The following MAPK4 variants were observed in gnomAD, a reference collection of about 807,000 sequenced individuals.
MAPK4 encodes Erk3-related.
Under a neutral mutation model 47.7 loss-of-function variants are expected in MAPK4, and 22 were observed. That is an observed-to-expected ratio of 0.46 (90% CI 0.33 to 0.66). The LOEUF is 0.66. Ranked by LOEUF, MAPK4 falls within the 30% of genes least tolerant of loss-of-function variation. The pLI is 0.02. For missense variants in MAPK4, 736 were observed against 831.7 expected, an observed-to-expected ratio of 0.88 and a Z score of 1.42; for synonymous variants, 390 against 365.7, an observed-to-expected ratio of 1.07 and a Z score of -0.76.
At chr18:50,700,713 C>G (rs1160203138) in intron 2 of MAPK4, among the ~76,000 whole-genome samples, 1 of 152,204 alleles carries the variant, frequency 6.6e-6, no homozygotes, top group Non-Finnish European at 1.5e-5. Context: ...TTTGCTTCCT[C>G]AGCTCTTCAA....
intron 2 of MAPK4, among the ~76,000 whole-genome samples, chr18:50,712,479 G>C (rs1910423912): frequency 6.6e-6 from 1 of 151,408 alleles, no homozygotes; most frequent in South Asian, 2.1e-4. Flanking sequence ...TTTAAAGAGT[G>C]TGAAGAACAA....
chr18:50,703,148 A>C (rs1465267266), intron 2 of MAPK4, among the ~76,000 whole-genome samples: 1 of 151,970 alleles, frequency 6.6e-6, no homozygotes, highest in Non-Finnish European at 1.5e-5. Context: ...TCTCAAATTG[A>C]TCTCAAGACC....
intron 1 of MAPK4, among the ~76,000 whole-genome samples, chr18:50,596,971 A>G (rs1387678340): frequency 6.6e-6 from 1 of 152,218 alleles, no homozygotes; most frequent in East Asian, 1.9e-4. Context: ...TGTAGGTAGA[A>G]TTTGCACAGA....
chr18:50,680,652 C>G (rs551578169), intron 2 of MAPK4, among the ~76,000 whole-genome samples: 2 of 152,116 alleles, frequency 1.3e-5, no homozygotes, highest in Admixed American at 1.3e-4. Flanking sequence ...TTGCCTAGTC[C>G]GAATATTTCA....
At chr18:50,573,743 TTG>T (rs2042270439) in intron 1 of MAPK4, among the ~76,000 whole-genome samples, 1 of 152,232 alleles carries the variant, frequency 6.6e-6, no homozygotes, top group Admixed American at 6.5e-5. Context: ...ATTCTGGTTT[TTG>T]TTAATCATCA....
rs747322536 is a variant in MAPK4 at position 50,729,292 on chromosome 18, C to CCTT, written c.1202_1203insCTT (p.Ser401_His402insLeu). 18 of 1,608,568 alleles carry CCTT rather than the reference C, an allele frequency of 1.1e-5. No individual in the cohort carries two copies. The South Asian group carries it at 1.9e-4, about 17-fold the overall frequency. Reference sequence around the variant, plus strand: ...GTGCAGGTGGACCCGCGCAAGGACTCGCACAGCAGCTCCGAGCGCTTCCTA... The same window carrying CCTT: ...GTGCAGGTGGACCCGCGCAAGGACTCCTTGCACAGCAGCTCCGAGCGCTTCCTA... On this transcript the variant is annotated inframe_insertion, in exon 6 of 6. Transcript: ENST00000400384.
chr18:50,701,398 G>A (rs181824374), intron 2 of MAPK4, among the ~76,000 whole-genome samples: 105 of 152,264 alleles, frequency 6.9e-4, no homozygotes, highest in Admixed American at 1.9e-3. Flanking sequence ...TTAGCAAATG[G>A]GCTATTGCCA....
At chr18:50,670,223 C>T (rs1216959771) in intron 2 of MAPK4, 1 of 151,272 alleles carries the variant, frequency 6.6e-6, no homozygotes, top group Non-Finnish European at 1.5e-5. Flanking sequence ...TTGTCTTTCA[C>T]ATATCCGCCT....
intron 2 of MAPK4, chr18:50,705,569 C>A (rs977085553): frequency 6.6e-6 from 1 of 152,210 alleles, no homozygotes; most frequent in African/African-American, 2.4e-5. Context: ...TATTCCCTCC[C>A]CTCCCTAATG....
At chr18:50,626,612 G>A (rs932672903) in intron 1 of MAPK4, among the ~76,000 whole-genome samples, 39 of 151,968 alleles carry the variant, frequency 2.6e-4, no homozygotes, top group African/African-American at 8.9e-4. Context: ...CCTTTTTCTC[G>A]TCCCCTCTCC....
chr18:50,640,756 G>A (rs543006415), intron 1 of MAPK4, among the ~76,000 whole-genome samples: 4 of 152,226 alleles, frequency 2.6e-5, no homozygotes, highest in Non-Finnish European at 4.4e-5. Flanking sequence ...ATGAGCCACC[G>A]CACCCAGCCA....
intron 2 of MAPK4, among the ~76,000 whole-genome samples, chr18:50,703,332 C>T (rs975698478): frequency 2.0e-5 from 3 of 152,216 alleles, no homozygotes; most frequent in Admixed American, 6.5e-5. Context: ...CTAACCAAAA[C>T]ATCCCTGCTT....
In MAPK4 at chr18:50,678,572, C is replaced by A. The variant is rs62092196; in HGVS notation, c.546+14068C>A. On this transcript the variant is annotated intron_variant, in intron 2 of 5. Coordinates refer to ENST00000400384, the MANE Select transcript of MAPK4 (RefSeq NM_002747.4). The surrounding 1 kb of genome is among the most constrained non-coding windows in gnomAD (Gnocchi z 4.2). ...TCCACCAGCGACTTCCCTGTTCAGG[C>A]ACTCAGAGCAGCAACTGAGAGGTCT... Among the ~76,000 whole-genome samples, 3,455 of 152,320 alleles carry A rather than the reference C, an allele frequency of 0.023. 61 individuals are homozygous for A. The highest frequency in any genetic ancestry group is 0.034 in the Non-Finnish European group (2,302 of 68,026).
intron 1 of MAPK4, among the ~76,000 whole-genome samples, chr18:50,592,797 G>A (rs1227699605): frequency 2.0e-5 from 3 of 152,212 alleles, no homozygotes; most frequent in African/African-American, 4.8e-5. Flanking sequence ...CTTAGGGGCT[G>A]TGTAGTCCAA....
chr18:50,674,372 G>C (rs557689916), intron 2 of MAPK4, among the ~76,000 whole-genome samples: 2 of 152,334 alleles, frequency 1.3e-5, no homozygotes, highest in East Asian at 3.9e-4. Context: ...GAAGACAGTA[G>C]TATAGAAATA....
chr18:50,620,880 G>A (rs1471657772), intron 1 of MAPK4, among the ~76,000 whole-genome samples: 1 of 152,024 alleles, frequency 6.6e-6, no homozygotes, highest in African/African-American at 2.4e-5. Context: ...GTTTGGAGAG[G>A]TTATCCTTGT....
Position 50,729,433 on chromosome 18 carries a change from C to G in MAPK4, c.1343C>G (p.Pro448Arg), listed in dbSNP as rs371041289. Residue 448 changes from proline (P) to arginine (R), a missense_variant, in exon 6 of 6, where the codon CCG becomes CGG. Pro to Arg is a moderately radical substitution (Grantham distance 103). Coordinates refer to ENST00000400384, the MANE Select transcript of MAPK4 (RefSeq NM_002747.4). ...AAGCTGCTGTGGCGCGACAACAAGC[C>G]GCACCACTACTCGGAGCCCAAGCTC... is the stretch of plus-strand genomic sequence containing the variant. ...LDKLLWRDNK[P>R]HHYSEPKLIL... 8 of 1,543,718 alleles carry G rather than the reference C, an allele frequency of 5.2e-6. No individual in the cohort carries two copies. The highest frequency in any genetic ancestry group is 1.4e-5 in the African/African-American group (1 of 73,688).
intron 1 of MAPK4, among the ~76,000 whole-genome samples, chr18:50,596,181 G>C (rs75724302): frequency 6.6e-6 from 1 of 152,036 alleles, no homozygotes; most frequent in African/African-American, 2.4e-5. Flanking sequence ...TTCTCCATGG[G>C]CTGACTTGAG....
At chr18:50,676,715 G>A (rs775076320) in intron 2 of MAPK4, among the ~76,000 whole-genome samples, 3 of 152,150 alleles carry the variant, frequency 2.0e-5, no homozygotes, top group Non-Finnish European at 4.4e-5. Flanking sequence ...GTGTGCTTAG[G>A]TAAACTATCA....
Sources: allele counts gnomAD v4.1 joint callset (sites outside exome capture counted in the v4.1 genomes callset), GRCh38; gene constraint gnomAD v4.1.1; non-coding constraint Gnocchi (gnomAD v3.1); transcripts MANE v1.5; gene names NCBI Gene and HGNC (gene_info 2026-07-23, HGNC 2026-07-21).